SLC22A23: variants seen among roughly 807,000 people sequenced by gnomAD.
The protein encoded by SLC22A23 is ion transporter protein.
Under a neutral mutation model 61.0 loss-of-function variants are expected in SLC22A23, and 26 were observed. The ratio of observed to expected loss-of-function variants is 0.43; its 90% CI spans 0.31 to 0.59. The LOEUF (loss-of-function observed/expected upper bound fraction) is 0.59. SLC22A23 is among the 20% of genes least tolerant of loss of function. The probability of loss-of-function intolerance (pLI) is 0.11; values close to 1 mark genes in which losing one functional copy is unlikely to be tolerated. For synonymous variants in SLC22A23, 430 were observed against 413.9 expected, an observed-to-expected ratio of 1.04 and a Z score of -0.47; for missense variants, 796 against 934.7, an observed-to-expected ratio of 0.85 and a Z score of 1.94.
chr6:3,341,720 A>T (rs1327933183), intron 3 of SLC22A23, among the ~76,000 whole-genome samples: 1 of 144,888 alleles, frequency 6.9e-6, no homozygotes, highest in East Asian at 2.0e-4. Context: ...AAGAGAAGAA[A>T]CCACACGCAC....
At chr6:3,367,290 C>T (rs1765897847) in intron 3 of SLC22A23, among the ~76,000 whole-genome samples, 1 of 152,186 alleles carries the variant, frequency 6.6e-6, no homozygotes, top group South Asian at 2.1e-4. Flanking sequence ...AAGGGTCAGT[C>T]TGGTTCAGTT....
chr6:3,289,038 C>T (rs957446318), intron 6 of SLC22A23, among the ~76,000 whole-genome samples: 6 of 152,258 alleles, frequency 3.9e-5, no homozygotes, highest in African/African-American at 1.4e-4. Flanking sequence ...CAAATGAGTG[C>T]AACACCCCAG....
chr6:3,312,687 C>G (rs555784343), intron 4 of SLC22A23: 1 of 152,430 alleles, frequency 6.6e-6, no homozygotes, highest in African/African-American at 2.4e-5. Context: ...TGTCCTCATT[C>G]CAACCACCAT....
intron 3 of SLC22A23, among the ~76,000 whole-genome samples, chr6:3,336,202 G>A (rs1470136720): frequency 6.6e-6 from 1 of 152,196 alleles, no homozygotes; most frequent in East Asian, 1.9e-4. Flanking sequence ...TTAAGCAAAT[G>A]TTTCCCAAGA....
intron 3 of SLC22A23, among the ~76,000 whole-genome samples, chr6:3,325,985 A>G (rs150403088): frequency 3.3e-4 from 51 of 152,380 alleles, no homozygotes; most frequent in African/African-American, 1.2e-3. Flanking sequence ...ACATGATACA[A>G]TGAAAATATC....
chr6:3,407,610 T>C (rs1217139634), intron 3 of SLC22A23, among the ~76,000 whole-genome samples: 1 of 152,278 alleles, frequency 6.6e-6, no homozygotes, highest in Non-Finnish European at 1.5e-5. Flanking sequence ...CGAGTCATCA[T>C]TCACAGCCCT....
chr6:3,398,238 A>T (rs1229628458), intron 3 of SLC22A23, among the ~76,000 whole-genome samples: 1 of 152,192 alleles, frequency 6.6e-6, no homozygotes, highest in Non-Finnish European at 1.5e-5. Context: ...TGGGGAAATG[A>T]ACTAGAAGTA....
chr6:3,283,659 G>A (rs1759688530), intron 9 of SLC22A23, 193 bp downstream of exon 9: 2 of 791,188 alleles, frequency 2.5e-6, no homozygotes, highest in African/African-American at 1.7e-5. Flanking sequence ...AGGACCCCAG[G>A]GCCAGGTTCT....
intron 3 of SLC22A23, among the ~76,000 whole-genome samples, chr6:3,389,268 CAAAAAA>C (rs61020784): frequency 9.2e-5 from 3 of 32,594 alleles, no homozygotes; most frequent in Admixed American, 5.3e-4. Flanking sequence ...AACTCTGTCT[CAAAAAA>C]AAAAAAAAAA....
rs902971846 is a variant in SLC22A23 at position 3,372,707 on chromosome 6, G to C, written c.913+37481C>G. ...CCCAGGGAGCTGGAGCACAGCCGGGGCGTTAGATATGGAGCCTCAGGGTGC... is the reference window on the plus strand; with the variant it reads ...CCCAGGGAGCTGGAGCACAGCCGGGCCGTTAGATATGGAGCCTCAGGGTGC... On this transcript the variant is annotated intron_variant, in intron 3 of 9. Transcript: ENST00000406686. This position sits in a 1 kb window ranked among gnomAD's most constrained non-coding sequence, Gnocchi z 4.7. Among the ~76,000 whole-genome samples, 1 of 152,228 alleles carries C rather than the reference G, an allele frequency of 6.6e-6. No individual in the cohort carries two copies. Among genetic ancestry groups the C allele is most frequent in the African/African-American group, 2.4e-5 (1 of 41,454 alleles).
At chr6:3,415,048 A>G (rs960696543) in intron 2 of SLC22A23, among the ~76,000 whole-genome samples, 1 of 152,242 alleles carries the variant, frequency 6.6e-6, no homozygotes, top group Non-Finnish European at 1.5e-5. Context: ...AAACACAGGT[A>G]ATAATAGCAT....
At chr6:3,364,004 G>A (rs1327797357) in intron 3 of SLC22A23, among the ~76,000 whole-genome samples, 4 of 152,216 alleles carry the variant, frequency 2.6e-5, no homozygotes, top group African/African-American at 9.6e-5. Context: ...ATCTGACCTG[G>A]CCCATGGGCC....
At chr6:3,326,148 G>A (rs1480960950) in intron 3 of SLC22A23, among the ~76,000 whole-genome samples, 1 of 152,230 alleles carries the variant, frequency 6.6e-6, no homozygotes, top group African/African-American at 2.4e-5. Flanking sequence ...CTCCCTTGCT[G>A]GACCAGTCTG....
chr6:3,351,058 G>C (rs1261293869), intron 3 of SLC22A23, among the ~76,000 whole-genome samples: 1 of 152,074 alleles, frequency 6.6e-6, no homozygotes, highest in Non-Finnish European at 1.5e-5. Context: ...AGCAAGGCCA[G>C]GCCGATTTGA....
rs1581718235 is a variant in SLC22A23, at chr6:3,342,042, A to G, written c.914-18040T>C. 1.3e-5 allele frequency among the ~76,000 whole-genome samples: 2 copies of G among 151,900 alleles called. No individual in the cohort carries two copies. Among genetic ancestry groups the G allele is most frequent in the South Asian group, 4.2e-4 (2 of 4,812 alleles). On this transcript the variant is annotated intron_variant, in intron 3 of 9. Transcript: ENST00000406686. This position sits in a 1 kb window ranked among gnomAD's most constrained non-coding sequence, Gnocchi z 4.0. Reference sequence around the variant, plus strand: ...AGAAAATCTTTCTTCTTAATGAAAGATTAATGAAGCTTTAATTAAGATTTC... The same window carrying G: ...AGAAAATCTTTCTTCTTAATGAAAGGTTAATGAAGCTTTAATTAAGATTTC...
At chr6:3,453,258 A>C (rs1028103988) in intron 1 of SLC22A23, among the ~76,000 whole-genome samples, 4 of 152,200 alleles carry the variant, frequency 2.6e-5, no homozygotes, top group Admixed American at 6.5e-5. Flanking sequence ...TTTAAAAAAA[A>C]TTATTCTGAG....
Position 3,308,908 on chromosome 6 carries a change from A to G in SLC22A23, c.1083-10690T>C, listed in dbSNP as rs1263774915. Among the ~76,000 whole-genome samples, 1 of 151,994 alleles carries G rather than the reference A, an allele frequency of 6.6e-6. No individual in the cohort carries two copies. The highest frequency in any genetic ancestry group is 1.5e-5 in the Non-Finnish European group (1 of 68,004). ...CAGTGAGCCGAGATTGTGCCACTGCACTCCAGCCTGGGCGACAGAGCGAGA... is the reference window on the plus strand; with the variant it reads ...CAGTGAGCCGAGATTGTGCCACTGCGCTCCAGCCTGGGCGACAGAGCGAGA... On this transcript the variant is annotated intron_variant, in intron 4 of 9. Transcript: ENST00000406686. The surrounding 1 kb of genome is among the most constrained non-coding windows in gnomAD (Gnocchi z 5.1).
chr6:3,446,991 T>C (rs1771927003), intron 1 of SLC22A23, among the ~76,000 whole-genome samples: 2 of 151,634 alleles, frequency 1.3e-5, no homozygotes, highest in Admixed American at 1.3e-4. Context: ...CAGCACAGCC[T>C]CCCCTCCCCA....
chr6:3,412,596 G>A (rs2127517606), intron 2 of SLC22A23, among the ~76,000 whole-genome samples: 1 of 152,302 alleles, frequency 6.6e-6, no homozygotes, highest in Admixed American at 6.5e-5. Flanking sequence ...TATCACTTAG[G>A]ATCTGTGGTG....
Sources: gnomAD v4.1 joint callset for allele counts (sites outside exome capture counted in the v4.1 genomes callset) on GRCh38, gnomAD v4.1.1 for gene constraint, Gnocchi (gnomAD v3.1) non-coding constraint, MANE v1.5 for transcripts, NCBI Gene and HGNC (gene_info 2026-07-23, HGNC 2026-07-21) for gene names.